The following TBC1D12 variants were observed in gnomAD, a reference collection of about 807,000 sequenced individuals.
The protein encoded by TBC1D12 is TBC1 domain family, member 12.
Under a neutral mutation model 86.7 loss-of-function variants are expected in TBC1D12, and 56 were observed. The ratio of observed to expected loss-of-function variants is 0.65; its 90% CI spans 0.52 to 0.81. TBC1D12 has a LOEUF of 0.81. Among genes scored for constraint, TBC1D12 ranks in the 30% least tolerant of loss-of-function variants. TBC1D12 has a pLI of 0.00. For missense variants in TBC1D12, 1,023 were observed against 1,038.8 expected, an observed-to-expected ratio of 0.98 and a Z score of 0.21; for synonymous variants, 421 against 411.7, an observed-to-expected ratio of 1.02 and a Z score of -0.27.
intron 4 of TBC1D12, among the ~76,000 whole-genome samples, chr10:94,494,740 C>T (rs956302561): frequency 4.6e-5 from 7 of 152,172 alleles, no homozygotes; most frequent in Admixed American, 1.3e-4. Flanking sequence ...AGACAGGTTT[C>T]GCCATATAGG....
chr10:94,479,898 C>G (rs1339076136), intron 3 of TBC1D12, among the ~76,000 whole-genome samples: 2 of 152,140 alleles, frequency 1.3e-5, no homozygotes, highest in African/African-American at 4.8e-5. Context: ...AGTATGGTGG[C>G]TCCATGCATC....
At chr10:94,484,601 A>C (rs2056133209) in intron 3 of TBC1D12, among the ~76,000 whole-genome samples, 1 of 152,056 alleles carries the variant, frequency 6.6e-6, no homozygotes. Flanking sequence ...GTTGCATATA[A>C]ATTTTAGGAT....
chr10:94,454,253 C>T (rs991580408), intron 2 of TBC1D12, among the ~76,000 whole-genome samples: 10 of 152,202 alleles, frequency 6.6e-5, no homozygotes, highest in Non-Finnish European at 1.2e-4. Context: ...CAGAGTTTTG[C>T]TCTTGTTGCC....
intron 6 of TBC1D12, among the ~76,000 whole-genome samples, chr10:94,503,864 A>G (rs1193996941): frequency 6.6e-6 from 1 of 152,232 alleles, no homozygotes; most frequent in African/African-American, 2.4e-5. Context: ...ACCTCCAGTG[A>G]TAGGCCCACC....
intron 2 of TBC1D12, among the ~76,000 whole-genome samples, chr10:94,443,158 T>C (rs2055405981): frequency 6.6e-6 from 1 of 152,112 alleles, no homozygotes; most frequent in Admixed American, 6.5e-5. Flanking sequence ...GGACTGCATG[T>C]TTGTCCCTGA....
chr10:94,450,407 A>G (rs899078108), intron 2 of TBC1D12, among the ~76,000 whole-genome samples: 2 of 151,980 alleles, frequency 1.3e-5, no homozygotes, highest in African/African-American at 4.8e-5. Context: ...AGATGGGGAA[A>G]GCCATTCTAG....
chr10:94,435,232 T>C (rs1687504757), intron 1 of TBC1D12, among the ~76,000 whole-genome samples: 3 of 152,328 alleles, frequency 2.0e-5, no homozygotes, highest in Admixed American at 2.0e-4. Context: ...AGAAGTCTAA[T>C]TGCTAGATGG....
chr10:94,493,315 A>G lies in TBC1D12; in HGVS notation c.1212-50A>G, dbSNP rs541241819. Reference sequence around the variant, plus strand: ...TAAAAACAAATAAGTTAGTAAGTTGAAAGTTAATCTTTTAAAAATTGTCTT... The same window carrying G: ...TAAAAACAAATAAGTTAGTAAGTTGGAAGTTAATCTTTTAAAAATTGTCTT... On this transcript the variant is annotated intron_variant, in intron 3 of 12. Coordinates refer to ENST00000225235, the MANE Select transcript of TBC1D12 (RefSeq NM_015188.2). 62 of 1,415,426 alleles carry G rather than the reference A, an allele frequency of 4.4e-5. 1 individual carries two copies. The South Asian group carries it at 6.7e-4, about 15-fold the overall frequency. 87.7% of individuals were successfully genotyped at this position (1,415,426 alleles called of 1,614,324 possible).
intron 2 of TBC1D12, among the ~76,000 whole-genome samples, chr10:94,459,593 G>A (rs948129798): frequency 2.6e-5 from 4 of 152,356 alleles, no homozygotes; most frequent in East Asian, 1.9e-4. Flanking sequence ...CCACCAGGGG[G>A]GTTGGGGGGA....
chr10:94,510,194 C>T lies in TBC1D12; in HGVS notation c.1689+15C>T. The T allele has an allele frequency of 1.3e-6, 2 of 1,538,458 alleles. No homozygotes were observed. Among genetic ancestry groups the T allele is most frequent in the Non-Finnish European group, 1.8e-6 (2 of 1,142,440 alleles). On this transcript the variant is annotated intron_variant, in intron 8 of 12. Transcript: ENST00000225235. ...TCTTTCAGAAGGTGAGGGTTTCTAA[C>T]CAGCTTGTAATTACTTAAAAAAAAT...
chr10:94,454,028 A>G (rs2055590265), intron 2 of TBC1D12, among the ~76,000 whole-genome samples: 1 of 152,118 alleles, frequency 6.6e-6, no homozygotes. Flanking sequence ...CCTTCTGGTA[A>G]GTCTTGAATT....
chr10:94,448,802 A>G (rs2055508367), intron 2 of TBC1D12, among the ~76,000 whole-genome samples: 1 of 152,094 alleles, frequency 6.6e-6, no homozygotes, highest in East Asian at 1.9e-4. Flanking sequence ...AAATTGTTAC[A>G]CTCTTGCATG....
intron 3 of TBC1D12, among the ~76,000 whole-genome samples, chr10:94,481,057 T>C (rs1050872234): frequency 6.6e-6 from 1 of 151,472 alleles, no homozygotes; most frequent in Admixed American, 6.6e-5. Flanking sequence ...TTTTTTTTTT[T>C]TTTTTTGTGA....
At chr10:94,509,235 G>A (rs946958943) in intron 7 of TBC1D12, 1 of 151,258 alleles carries the variant, frequency 6.6e-6, no homozygotes, top group African/African-American at 2.4e-5. Flanking sequence ...CCCCTGAGTA[G>A]CTGGGATTAC....
intron 1 of TBC1D12, among the ~76,000 whole-genome samples, chr10:94,438,021 GA>G (rs2055329697): frequency 3.0e-5 from 1 of 33,408 alleles, no homozygotes; most frequent in Non-Finnish European, 5.5e-5. Flanking sequence ...TTTTTTTTAT[GA>G]AATTGACTTA....
At chr10:94,506,748 C>T (rs1463300191) in intron 6 of TBC1D12, among the ~76,000 whole-genome samples, 1 of 152,118 alleles carries the variant, frequency 6.6e-6, no homozygotes, top group East Asian at 1.9e-4. Flanking sequence ...ATGGAGAAAC[C>T]AGTTTCAGTA....
chr10:94,416,221 G>C (rs2054995940), intron 1 of TBC1D12, among the ~76,000 whole-genome samples: 1 of 152,212 alleles, frequency 6.6e-6, no homozygotes, highest in South Asian at 2.1e-4. Flanking sequence ...CGTCAGACAT[G>C]AGCAAAATGT....
rs2134176681 is a variant in TBC1D12, at chr10:94,493,356, T to C, written c.1212-9T>C. 6.2e-7 allele frequency: 1 copy of C among 1,604,132 alleles called. No individual in the cohort carries two copies. Among genetic ancestry groups the C allele is most frequent in the East Asian group, 2.2e-5 (1 of 44,814 alleles). ...AAATTGTCTTGACTTAAGTAATTTT[T>C]TTTTCCAGAAATCTTCCTGCCAAAT... On this transcript the variant is annotated splice_polypyrimidine_tract_variant and intron_variant, in intron 3 of 12. Transcript: ENST00000225235.
intron 1 of TBC1D12, among the ~76,000 whole-genome samples, chr10:94,416,507 T>G (rs186245541): frequency 2.0e-5 from 3 of 152,336 alleles, no homozygotes; most frequent in Admixed American, 2.0e-4. Flanking sequence ...TTCAGACATT[T>G]AAGATTGCTA....
Sources: gnomAD v4.1 joint callset for allele counts (sites outside exome capture counted in the v4.1 genomes callset) on GRCh38, gnomAD v4.1.1 for gene constraint, MANE v1.5 for transcripts, NCBI Gene and HGNC (gene_info 2026-07-23, HGNC 2026-07-21) for gene names.